The following NOS3 variants were observed in gnomAD, a reference collection of about 807,000 sequenced individuals.
The protein encoded by NOS3 is NOS type III.
NOS3 carries 98 observed loss-of-function variants against 144.9 expected under a neutral mutation model. The ratio of observed to expected loss-of-function variants is 0.68; its 90% CI spans 0.57 to 0.80. The LOEUF (loss-of-function observed/expected upper bound fraction) is 0.80. Ranked by LOEUF, NOS3 falls within the 30% of genes least tolerant of loss-of-function variation. The pLI is 0.00. For synonymous variants in NOS3, 714 were observed against 702.4 expected (o/e 1.02, Z -0.26); for missense variants, 1,465 against 1,656.4 (o/e 0.88, Z 2.01).
rs759150325 is a variant in NOS3, at chr7:150,998,560, G to C, written c.696G>C (p.Pro232=). ...CCAGCTCGGCCATCACAGTGTTCCC[G>C]CAGCGCTGCCCTGGCCGAGGAGACT... is the stretch of plus-strand genomic sequence containing the variant. ...GNLRSAITVF[P]QRCPGRGDFR... is the part of the protein sequence containing the mutation. Residue 232 remains proline, a synonymous_variant, in exon 7 of 27, where the codon CCG becomes CCC. Coordinates refer to ENST00000297494, the MANE Select transcript of NOS3 (RefSeq NM_000603.5). The surrounding 1 kb of genome is among the most constrained non-coding windows in gnomAD (Gnocchi z 5.0). The C allele has an allele frequency of 6.2e-7, 1 of 1,609,584 alleles. No homozygotes were observed. Among genetic ancestry groups the C allele is most frequent in the Non-Finnish European group, 8.5e-7 (1 of 1,178,856 alleles).
chr7:150,995,317 A>G lies in NOS3; in HGVS notation c.270+3A>G. On this transcript the variant is annotated splice_donor_region_variant and intron_variant, in intron 3 of 26. Coordinates refer to ENST00000297494, the MANE Select transcript of NOS3 (RefSeq NM_000603.5). ...CCCTCAGCGCCCAGGCGCAGCAGGTAAGGCCGGCATGCCCTGTCCCCATCG... is the reference window on the plus strand; with the variant it reads ...CCCTCAGCGCCCAGGCGCAGCAGGTGAGGCCGGCATGCCCTGTCCCCATCG... 1 of 1,603,318 alleles carries G rather than the reference A, an allele frequency of 6.2e-7. No homozygotes were observed. Among genetic ancestry groups the G allele is most frequent in the Non-Finnish European group, 8.5e-7 (1 of 1,172,144 alleles).
rs1461335788 is a variant in NOS3, at chr7:151,003,884, C to T, written c.1752+1580C>T. On this transcript the variant is annotated intron_variant, in intron 14 of 26. Transcript: ENST00000297494. This position sits in a 1 kb window ranked among gnomAD's most constrained non-coding sequence, Gnocchi z 4.1. ...CATTCTCTTGTTGGTGACACTTGGG[C>T]TGTTTCCAGGTCGGGGCTATTATGA... 2 of 374,930 alleles carry T rather than the reference C, an allele frequency of 5.3e-6. No individual in the cohort carries two copies. Among genetic ancestry groups the T allele is most frequent in the Non-Finnish European group, 1.1e-5 (2 of 186,342 alleles). The allele number at this position is 374,930 out of a possible 1,614,324, so 23.2% of individuals were successfully genotyped here. A position where few individuals can be genotyped will look rare whatever the true frequency, so the allele number is the denominator to read the frequency against.
intron 23 of NOS3, 93 bp from the exon 24 acceptor site, chr7:151,012,258 A>G: frequency 9.9e-7 from 1 of 1,011,348 alleles, no homozygotes; most frequent in Non-Finnish European, 1.3e-6. Context: ...AGATGGGAAG[A>G]ACTTGGGTCC....
At chr7:151,011,036 A>G in intron 23 of NOS3, 50 bp downstream of exon 23, 1 of 1,318,742 alleles carries the variant, frequency 7.6e-7, no homozygotes, top group Non-Finnish European at 1.1e-6. Flanking sequence ...TCAGGGTGGC[A>G]GCTTTGGTGA....
rs1280126202 is a variant in NOS3 at position 151,002,366 on chromosome 7, G to A, written c.1752+62G>A. The A allele has an allele frequency of 1.1e-5, 7 of 625,332 alleles. No homozygotes were observed. The highest frequency in any genetic ancestry group is 2.0e-5 in the Non-Finnish European group (7 of 358,144). 38.7% of individuals were successfully genotyped at this position (625,332 alleles called of 1,614,324 possible). ...GAGAGACTCAGAATTGGAGTGACTG[G>A]GCAGGAACCTCTGCCCAACACACAC... On this transcript the variant is annotated intron_variant, in intron 14 of 26. Transcript: ENST00000297494. The surrounding 1 kb of genome is among the most constrained non-coding windows in gnomAD (Gnocchi z 4.1).
Position 150,999,287 on chromosome 7 carries a change from C to T in NOS3, c.1054C>T (p.Pro352Ser). The T allele has an allele frequency of 6.2e-7, 1 of 1,612,002 alleles. No individual in the cohort carries two copies. Among genetic ancestry groups the T allele is most frequent in the Non-Finnish European group, 8.5e-7 (1 of 1,179,636 alleles). Residue 352 changes from proline to serine, a missense_variant, in exon 9 of 27, where the codon CCC becomes TCC. Around this residue, in one of 5 missense-constraint regions of NOS3, gnomAD observed 745 missense variants for 853.9 expected, o/e 0.87. Transcript: ENST00000297494. ...EIGGLEFPAAPFSGWYMSTEI... is the reference protein window; with the variant it reads ...EIGGLEFPAASFSGWYMSTEI... ...TGGGGGCCTGGAGTTCCCCGCAGCCCCCTTCAGTGGCTGGTACATGAGCAC... is the reference window on the plus strand; with the variant it reads ...TGGGGGCCTGGAGTTCCCCGCAGCCTCCTTCAGTGGCTGGTACATGAGCAC...
chr7:151,008,216 G>C (rs754373892), intron 17 of NOS3, among the ~76,000 whole-genome samples: 2 of 152,278 alleles, frequency 1.3e-5, no homozygotes, highest in Non-Finnish European at 2.9e-5. Flanking sequence ...AGTGGAGATA[G>C]GAAGGAAGGG....
At position 151,010,692 on chromosome 7, in the gene NOS3, GC is replaced by G; in HGVS notation, c.2782del (p.Leu928SerfsTer30). 1 of 1,610,818 alleles carries G rather than the reference GC, an allele frequency of 6.2e-7. No individual in the cohort carries two copies. On this transcript the variant is annotated frameshift_variant, in exon 22 of 27. Transcript: ENST00000297494. LOFTEE classifies it high-confidence loss of function. ...CGTCGGTGGCGCTGCCTGCCCCACT[GC>G]TCCTCACCCAGCTGCCTCTGCTCCA... ...FPSVALPAPL[L>X]LTQLPLLQPR...
chr7:150,995,060 C>T, intron 2 of NOS3, 143 bp from the exon 3 acceptor site: 1 of 561,676 alleles, frequency 1.8e-6, no homozygotes, highest in East Asian at 3.0e-5. Flanking sequence ...GCCTCTAGCT[C>T]CTAAGGCATG....
chr7:151,002,364 T>C lies in NOS3; in HGVS notation c.1752+60T>C. On this transcript the variant is annotated intron_variant, in intron 14 of 26. Coordinates refer to ENST00000297494, the MANE Select transcript of NOS3 (RefSeq NM_000603.5). This position sits in a 1 kb window ranked among gnomAD's most constrained non-coding sequence, Gnocchi z 4.1. ...AGGAGAGACTCAGAATTGGAGTGACTGGGCAGGAACCTCTGCCCAACACAC... is the reference window on the plus strand; with the variant it reads ...AGGAGAGACTCAGAATTGGAGTGACCGGGCAGGAACCTCTGCCCAACACAC... 1.4e-6 allele frequency: 1 copy of C among 733,858 alleles called. No individual in the cohort carries two copies. Among genetic ancestry groups the C allele is most frequent in the South Asian group, 1.5e-5 (1 of 66,588 alleles). The allele number at this position is 733,858 out of a possible 1,614,324, so 45.5% of individuals were successfully genotyped here.
intron 10 of NOS3, 53 bp from the exon 11 acceptor site, chr7:151,001,178 G>A (rs1252643116): frequency 3.8e-6 from 6 of 1,583,050 alleles, no homozygotes; most frequent in Non-Finnish European, 5.2e-6. Context: ...GAGGAAGAAT[G>A]GGCGAGGTCT....
Position 151,002,383 on chromosome 7 carries a change from AACACACACACAC to A in NOS3, c.1752+138_1752+149del, listed in dbSNP as rs3138808. ...AGTGACTGGGCAGGAACCTCTGCCC[AACACACACACAC>A]ACACACACACACACACACACACACA... On this transcript the variant is annotated intron_variant, in intron 14 of 26. Coordinates refer to ENST00000297494, the MANE Select transcript of NOS3 (RefSeq NM_000603.5). This position sits in a 1 kb window ranked among gnomAD's most constrained non-coding sequence, Gnocchi z 4.1. 0.024 allele frequency: 6,572 copies of A among 270,622 alleles called. 181 individuals are homozygous for A. Among genetic ancestry groups the A allele is most frequent in the African/African-American group, 0.051 (1,254 of 24,480 alleles). The allele number at this position is 270,622 out of a possible 1,614,324, so 16.8% of individuals were successfully genotyped here. A position where few individuals can be genotyped will look rare whatever the true frequency, so the allele number is the denominator to read the frequency against.
Position 151,003,292 on chromosome 7 carries a change from A to AT in NOS3, c.1752+993dup, listed in dbSNP as rs1563223096. On this transcript the variant is annotated intron_variant, in intron 14 of 26. Coordinates refer to ENST00000297494, the MANE Select transcript of NOS3 (RefSeq NM_000603.5). This position sits in a 1 kb window ranked among gnomAD's most constrained non-coding sequence, Gnocchi z 4.1. The stretch of plus-strand genomic sequence containing the variant: ...AGGCGCATGCCATGATGCCTAGCTA[A>AT]TTTTTGTATTTTTTATAGAGATGGG... 1.9e-6 allele frequency: 1 copy of AT among 519,432 alleles called. No homozygotes were observed. Among genetic ancestry groups the AT allele is most frequent in the East Asian group, 6.9e-5 (1 of 14,402 alleles). The allele number at this position is 519,432 out of a possible 1,614,324, so 32.2% of individuals were successfully genotyped here. A position where few individuals can be genotyped will look rare whatever the true frequency, so the allele number is the denominator to read the frequency against.
At chr7:151,000,627 G>T in intron 10 of NOS3, 28 bp downstream of exon 10, 1 of 1,513,242 alleles carries the variant, frequency 6.6e-7, no homozygotes, top group Non-Finnish European at 9.2e-7. Flanking sequence ...GGCCAGGAAG[G>T]CAAAGGGTTT....
intron 20 of NOS3, among the ~76,000 whole-genome samples, chr7:151,009,795 A>G (rs1210370068): frequency 1.3e-5 from 2 of 152,144 alleles, no homozygotes; most frequent in Admixed American, 1.3e-4. Flanking sequence ...ACCCCCACCA[A>G]AAGGCTGTCC....
In NOS3 at chr7:151,009,603, A is replaced by G. The variant is rs1563230036; in HGVS notation, c.2512+18A>G. ...CAGCCCTGGTGAGGGGCAGCCTGGG[A>G]AGCAACAGGGCACACCAGCCCCATG... On this transcript the variant is annotated intron_variant, in intron 20 of 26. Transcript: ENST00000297494. 2 of 1,510,868 alleles carry G rather than the reference A, an allele frequency of 1.3e-6. No homozygotes were observed. Among genetic ancestry groups the G allele is most frequent in the Non-Finnish European group, 8.9e-7 (1 of 1,127,338 alleles). 93.6% of individuals were successfully genotyped at this position (1,510,868 alleles called of 1,614,324 possible).
Position 151,014,170 on chromosome 7 carries a change from G to A in NOS3, c.*1G>A. ...CGGCTCAGACACCAACAGCCCCTGA[G>A]AGCCGCCTGGCTTTCCCTTCCAGTT... On this transcript the variant is annotated 3_prime_UTR_variant, in exon 27 of 27. Transcript: ENST00000297494. 6.3e-7 allele frequency: 1 copy of A among 1,597,120 alleles called. No homozygotes were observed. The highest frequency in any genetic ancestry group is 2.3e-5 in the East Asian group (1 of 44,400).
chr7:151,001,875 G>A lies in NOS3; in HGVS notation c.1557G>A (p.Lys519=). 1 of 1,613,734 alleles carries A rather than the reference G, an allele frequency of 6.2e-7. No homozygotes were observed. Among genetic ancestry groups the A allele is most frequent in the South Asian group, 1.1e-5 (1 of 91,090 alleles). Residue 519 remains lysine (K), a synonymous_variant, in exon 13 of 27, where the codon AAG becomes AAA. Transcript: ENST00000297494. ...LMGTVMAKRV[K]ATILYGSETG... The stretch of plus-strand genomic sequence containing the variant: ...GCACGGTGATGGCGAAGCGAGTGAA[G>A]GCGACAATCCTGTATGGCTCCGAGA...
Position 151,013,322 on chromosome 7 carries a change from G to A in NOS3, c.3198G>A (p.Gln1066=). The change falls in exon 25 of 27, where the codon CAG becomes CAA. Residue 1066 remains glutamine, a synonymous_variant. Coordinates refer to ENST00000297494, the MANE Select transcript of NOS3 (RefSeq NM_000603.5). ...LYRDEVQNAQ[Q]RGVFGRVLTA... is the part of the protein sequence containing the mutation. Reference sequence around the variant, plus strand: ...GCGACGAGGTGCAGAACGCCCAGCAGCGCGGGGTGTTTGGCCGAGTCCTCA... The same window carrying A: ...GCGACGAGGTGCAGAACGCCCAGCAACGCGGGGTGTTTGGCCGAGTCCTCA... The A allele has an allele frequency of 6.2e-7, 1 of 1,614,072 alleles. No homozygotes were observed. Among genetic ancestry groups the A allele is most frequent in the East Asian group, 2.2e-5 (1 of 44,882 alleles).
Sources: gnomAD v4.1 joint callset for allele counts (sites outside exome capture counted in the v4.1 genomes callset) on GRCh38, gnomAD v4.1.1 for gene constraint, gnomAD v4.1.1 regional missense constraint, Gnocchi (gnomAD v3.1) non-coding constraint, MANE v1.5 for transcripts, NCBI Gene and HGNC (gene_info 2026-07-23, HGNC 2026-07-21) for gene names.